ZNF454: variants seen among roughly 807,000 people sequenced by gnomAD.
The protein encoded by ZNF454 is zinc finger protein 454.
In ZNF454, 30 loss-of-function variants were observed where a neutral mutation model predicts 48.2. The observed-to-expected ratio is 0.62, with a 90% CI of 0.47 to 0.84. The LOEUF is 0.84. ZNF454 is among the 40% of genes least tolerant of loss of function. The probability of loss-of-function intolerance (pLI) is 0.00; values close to 1 mark genes in which losing one functional copy is unlikely to be tolerated. For synonymous variants in ZNF454, 204 were observed against 211.4 expected (o/e 0.97, Z 0.30); for missense variants, 510 against 623.1 (o/e 0.82, Z 1.93).
At chr5:178,968,882 C>T (rs17078817), downstream of ZNF454, 4,707 of 456,678 alleles carry the variant, frequency 0.01, 198 homozygotes, top group East Asian at 0.14. Context: ...ACCTCAGCCG[C>T]GGCTCCAGGA....
At chr5:178,985,775 G>C in the ZNF454 span, 1 of 474,808 alleles carries the variant, frequency 2.1e-6, no homozygotes, top group Non-Finnish European at 4.1e-6. Context: ...TTATCTTTTT[G>C]TTTTGAGACA....
the ZNF454 span, among the ~76,000 whole-genome samples, chr5:178,974,300 T>TGTTGTG: frequency 6.9e-6 from 1 of 143,998 alleles, no homozygotes; most frequent in Non-Finnish European, 1.5e-5. Flanking sequence ...TTGTTGTGGT[T>TGTTGTG]GTTGTGGTTG....
intron 2 of ZNF454, among the ~76,000 whole-genome samples, chr5:178,945,685 C>G: frequency 7.4e-6 from 1 of 135,374 alleles, no homozygotes; most frequent in Non-Finnish European, 1.6e-5. Flanking sequence ...GTGTGTGTGT[C>G]TCTGTGTGTG....
chr5:178,962,268 T>TTTTTGAAAAA (rs1760032695), intron 4 of ZNF454, among the ~76,000 whole-genome samples: 1 of 151,764 alleles, frequency 6.6e-6, no homozygotes, highest in African/African-American at 2.4e-5. Context: ...AAAGGTAGTG[T>TTTTTGAAAAA]ATCATTTGTT....
intron 4 of ZNF454, among the ~76,000 whole-genome samples, chr5:178,955,039 GT>G (rs1315907490): frequency 6.6e-6 from 1 of 152,212 alleles, no homozygotes; most frequent in Non-Finnish European, 1.5e-5. Context: ...TAGTTTACAT[GT>G]TTTTTTGTGG....
intron 4 of ZNF454, among the ~76,000 whole-genome samples, chr5:178,949,196 G>A (rs1413416865): frequency 1.3e-5 from 2 of 151,968 alleles, no homozygotes; most frequent in African/African-American, 4.8e-5. Context: ...GATTACAGGC[G>A]CCTGCCACCT....
At chr5:178,967,742 CTTT>C (rs10694687), downstream of ZNF454, among the ~76,000 whole-genome samples, 5 of 129,506 alleles carry the variant, frequency 3.9e-5, no homozygotes, top group Non-Finnish European at 6.3e-5. Flanking sequence ...TTTTCTTTTT[CTTT>C]TTTTTTTTTT....
intron 4 of ZNF454, among the ~76,000 whole-genome samples, chr5:178,950,852 C>G (rs930787293): frequency 2.0e-5 from 3 of 150,094 alleles, no homozygotes; most frequent in Non-Finnish European, 3.0e-5. Context: ...TTTAAAGAAC[C>G]ATTTCTTTCT....
At chr5:178,972,364 G>A in the ZNF454 span, among the ~76,000 whole-genome samples, 1 of 152,034 alleles carries the variant, frequency 6.6e-6, no homozygotes, top group Non-Finnish European at 1.5e-5. Flanking sequence ...ACCCTAAAAG[G>A]TCATTTTTCT....
At chr5:178,945,421 GGTGTGTGTATGCTT>G (rs1759286968) in intron 2 of ZNF454, among the ~76,000 whole-genome samples, 2 of 149,650 alleles carry the variant, frequency 1.3e-5, no homozygotes, top group Non-Finnish European at 3.0e-5. Flanking sequence ...TACGGATATG[GGTGTGTGTATGCTT>G]GTGTGTGTAT....
At chr5:178,978,220 T>G in the ZNF454 span, 2 of 152,250 alleles carry the variant, frequency 1.3e-5, no homozygotes, top group Non-Finnish European at 2.9e-5. Context: ...TTTCATTCTA[T>G]AAAATGATGA....
chr5:178,954,115 G>A (rs1239529533), intron 4 of ZNF454, among the ~76,000 whole-genome samples: 4 of 151,944 alleles, frequency 2.6e-5, no homozygotes, highest in African/African-American at 9.7e-5. Flanking sequence ...AAAATTAGCC[G>A]GGTGTGGTGG....
chr5:178,982,932 C>G, the ZNF454 span: 1 of 1,614,030 alleles, frequency 6.2e-7, no homozygotes, highest in Non-Finnish European at 8.5e-7. Context: ...CTGGGCAGTG[C>G]CAAAGAAGAT....
chr5:178,983,438 G>A, the ZNF454 span: 4 of 698,414 alleles, frequency 5.7e-6, no homozygotes, highest in Admixed American at 8.0e-5. Flanking sequence ...AAAGGCCCGT[G>A]ACCTGGCAGC....
chr5:178,948,442 T>G (rs1293198216), intron 4 of ZNF454, among the ~76,000 whole-genome samples: 1 of 152,238 alleles, frequency 6.6e-6, no homozygotes, highest in Non-Finnish European at 1.5e-5. Flanking sequence ...ACCTAAATCA[T>G]TCAATCATCC....
chr5:178,942,707 C>CT lies in ZNF454; in HGVS notation c.-84dup, dbSNP rs1759156889. 1 of 1,508,464 alleles carries CT rather than the reference C, an allele frequency of 6.6e-7. No homozygotes were observed. The highest frequency in any genetic ancestry group is 1.4e-5 in the African/African-American group (1 of 72,888). 93.4% of individuals were successfully genotyped at this position (1,508,464 alleles called of 1,614,324 possible). A position where few individuals can be genotyped will look rare whatever the true frequency, so the allele number is the denominator to read the frequency against. On this transcript the variant is annotated 5_prime_UTR_variant, in exon 2 of 5. Coordinates refer to ENST00000519564, the MANE Select transcript of ZNF454 (RefSeq NM_001178089.3). ...TAGCAGGTGTGTGGACCCTTCTAGCCTGAGGAGTCCTGCAGGTGTGAAGCT... is the reference window on the plus strand; with the variant it reads ...TAGCAGGTGTGTGGACCCTTCTAGCCTTGAGGAGTCCTGCAGGTGTGAAGCT...
At chr5:178,982,701 AAAAG>A in the ZNF454 span, 1 of 540,498 alleles carries the variant, frequency 1.9e-6, no homozygotes, top group Non-Finnish European at 3.3e-6. Flanking sequence ...ATAAAAAAAA[AAAAG>A]AAAAAAAGAA....
chr5:178,954,341 T>C (rs539162034), intron 4 of ZNF454, among the ~76,000 whole-genome samples: 91 of 152,238 alleles, frequency 6.0e-4, no homozygotes, highest in African/African-American at 2.1e-3. Flanking sequence ...CTCTAGGACA[T>C]TTTCTCTATT....
At chr5:178,985,710 A>C in the ZNF454 span, 1 of 417,980 alleles carries the variant, frequency 2.4e-6, no homozygotes, top group Non-Finnish European at 4.7e-6. Flanking sequence ...CTAAAAAAAA[A>C]AAAACAAAAC....
Sources: gnomAD v4.1 joint callset for allele counts (sites outside exome capture counted in the v4.1 genomes callset) on GRCh38, gnomAD v4.1.1 for gene constraint, MANE v1.5 for transcripts, NCBI Gene and HGNC (gene_info 2026-07-23, HGNC 2026-07-21) for gene names.